SCAPER: variants seen among roughly 807,000 people sequenced by gnomAD.
SCAPER encodes S-phase cyclin A associated protein in the ER.
Under a neutral mutation model 182.2 loss-of-function variants are expected in SCAPER, and 98 were observed. That is an observed-to-expected ratio of 0.54 (90% confidence interval 0.46 to 0.64). The LOEUF is 0.64. Among genes scored for constraint, SCAPER ranks in the 30% least tolerant of loss-of-function variants. The pLI is 0.00. For missense variants in SCAPER, 1,432 were observed against 1,690.0 expected, an observed-to-expected ratio of 0.85 and a Z score of 2.68; for synonymous variants, 605 against 564.6, an observed-to-expected ratio of 1.07 and a Z score of -1.01.
intron 8 of SCAPER, among the ~76,000 whole-genome samples, chr15:76,794,091 A>C (rs931249267): frequency 2.0e-5 from 3 of 152,246 alleles, no homozygotes; most frequent in Non-Finnish European, 2.9e-5. Flanking sequence ...TTCCCACAGA[A>C]TGGCATAACT....
chr15:76,791,462 T>G (rs2065002263), intron 8 of SCAPER, among the ~76,000 whole-genome samples: 1 of 151,924 alleles, frequency 6.6e-6, no homozygotes, highest in Non-Finnish European at 1.5e-5. Flanking sequence ...CACCTGGAAT[T>G]TAGGGTGCAG....
chr15:76,475,703 T>C (rs2050572648), intron 24 of SCAPER, among the ~76,000 whole-genome samples: 1 of 152,084 alleles, frequency 6.6e-6, no homozygotes, highest in African/African-American at 2.4e-5. Context: ...AAAATCAGAG[T>C]TGCTCTGGCT....
Position 76,348,741 on chromosome 15 carries a change from G to A in SCAPER, c.4100-5C>T. ...CTTGGGAACCAAGGCATTTCCCTGA[G>A]AGGGGGATAAAAGAGAAAAAAGTTA... On this transcript the variant is annotated splice_polypyrimidine_tract_variant and splice_region_variant and intron_variant, in intron 31 of 31. Coordinates refer to ENST00000563290, the MANE Select transcript of SCAPER (RefSeq NM_020843.4). 6.7e-7 allele frequency: 1 copy of A among 1,494,206 alleles called. No individual in the cohort carries two copies. The highest frequency in any genetic ancestry group is 9.0e-7 in the Non-Finnish European group (1 of 1,114,120). 92.6% of individuals were successfully genotyped at this position (1,494,206 alleles called of 1,614,324 possible). A position where few individuals can be genotyped will look rare whatever the true frequency, so the allele number is the denominator to read the frequency against.
At chr15:76,766,780 T>C (rs369185871) in intron 11 of SCAPER, 138 bp downstream of exon 11, 11 of 671,216 alleles carry the variant, frequency 1.6e-5, no homozygotes, top group South Asian at 6.9e-5. Flanking sequence ...CTGAGAATAA[T>C]AGTTATGATT....
At chr15:76,832,867 C>T (rs1385670631) in intron 5 of SCAPER, among the ~76,000 whole-genome samples, 4 of 152,164 alleles carry the variant, frequency 2.6e-5, no homozygotes, top group Admixed American at 2.0e-4. Flanking sequence ...GGATGCTTCC[C>T]GTACAGCCTG....
In SCAPER at chr15:76,488,714, C is replaced by CTTTTTTTTTTTTTTT. The variant is rs71143333; in HGVS notation, c.2954+16130_2954+16144dup. Among the ~76,000 whole-genome samples, 133 of 93,062 alleles carry CTTTTTTTTTTTTTTT rather than the reference C, an allele frequency of 1.4e-3. 14 individuals carry two copies. The highest frequency in any genetic ancestry group is 6.5e-3 in the East Asian group (16 of 2,480). 61.1% of individuals were successfully genotyped at this position (93,062 alleles called of 152,430 possible). ...TTGCATCCTGATAACAGTACACTGC[C>CTTTTTTTTTTTTTTT]TTTTTTTTTTTTTTTTTTTTTTTTT... On this transcript the variant is annotated intron_variant, in intron 24 of 31. Transcript: ENST00000563290.
intron 25 of SCAPER, among the ~76,000 whole-genome samples, chr15:76,451,250 T>A (rs2048349461): frequency 6.6e-6 from 1 of 152,218 alleles, no homozygotes; most frequent in South Asian, 2.1e-4. Flanking sequence ...ATGCCTCAAT[T>A]TATCAGTTCA....
intron 25 of SCAPER, among the ~76,000 whole-genome samples, chr15:76,465,770 T>C (rs984368920): frequency 6.6e-6 from 1 of 152,100 alleles, no homozygotes; most frequent in Non-Finnish European, 1.5e-5. Context: ...AAGGGTCCCA[T>C]ATCATTCTTT....
chr15:76,738,544 A>AT (rs905743963), intron 15 of SCAPER, among the ~76,000 whole-genome samples: 1 of 151,278 alleles, frequency 6.6e-6, no homozygotes, highest in Non-Finnish European at 1.5e-5. Context: ...TCTGTCTCAA[A>AT]AAAAAAAAAA....
intron 23 of SCAPER, among the ~76,000 whole-genome samples, chr15:76,505,201 T>G (rs1265100150): frequency 6.6e-6 from 1 of 152,130 alleles, no homozygotes; most frequent in East Asian, 1.9e-4. Context: ...AGCTTAAAAT[T>G]GGTAGATGGC....
intron 25 of SCAPER, among the ~76,000 whole-genome samples, chr15:76,468,264 G>A (rs1029977403): frequency 2.6e-5 from 4 of 151,902 alleles, no homozygotes; most frequent in Non-Finnish European, 4.4e-5. Context: ...AATTGACAGC[G>A]ATAAAATAAA....
chr15:76,751,019 A>C (rs1488482668), intron 15 of SCAPER, among the ~76,000 whole-genome samples: 1 of 151,800 alleles, frequency 6.6e-6, no homozygotes, highest in Non-Finnish European at 1.5e-5. Flanking sequence ...TGTTAGAAGT[A>C]GTAAAAATTC....
intron 22 of SCAPER, among the ~76,000 whole-genome samples, chr15:76,613,717 C>T (rs1334339898): frequency 6.6e-6 from 1 of 152,180 alleles, no homozygotes; most frequent in African/African-American, 2.4e-5. Flanking sequence ...GATATCATGT[C>T]ATACCAGTTA....
intron 21 of SCAPER, among the ~76,000 whole-genome samples, chr15:76,625,324 T>A (rs376444720): frequency 6.6e-6 from 1 of 152,196 alleles, no homozygotes; most frequent in South Asian, 2.1e-4. Context: ...AGCACCCATA[T>A]GCAGAGGCAG....
intron 14 of SCAPER, 115 bp downstream of exon 14, chr15:76,764,846 C>T: frequency 1.3e-5 from 8 of 600,150 alleles, no homozygotes; most frequent in South Asian, 4.9e-5. Context: ...CTTTTATTTC[C>T]TAGCAAATCT....
At chr15:76,433,500 AAAC>A (rs539923399) in intron 26 of SCAPER, among the ~76,000 whole-genome samples, 17 of 152,164 alleles carry the variant, frequency 1.1e-4, no homozygotes, top group African/African-American at 2.9e-4. Context: ...GTGATAGAAA[AAAC>A]AACAACAACA....
intron 4 of SCAPER, among the ~76,000 whole-genome samples, chr15:76,854,647 C>T: frequency 6.6e-6 from 1 of 151,700 alleles, no homozygotes. Flanking sequence ...GCCCAAATAG[C>T]CAAGGCAATC....
chr15:76,468,681 T>G lies in SCAPER; in HGVS notation c.3078+2531A>C, dbSNP rs997249614. Among the ~76,000 whole-genome samples the G allele has an allele frequency of 1.2e-4, 19 of 152,294 alleles. 1 individual carries two copies. The highest frequency in any genetic ancestry group is 4.1e-4 in the African/African-American group (17 of 41,584). ...CTGAATATCTTTCTCTGTGCTCCCATAGTACTCTATACAGGCTGCTATCAT... is the reference window on the plus strand; with the variant it reads ...CTGAATATCTTTCTCTGTGCTCCCAGAGTACTCTATACAGGCTGCTATCAT... On this transcript the variant is annotated intron_variant, in intron 25 of 31. Transcript: ENST00000563290.
chr15:76,686,066 T>C (rs911159112), intron 20 of SCAPER, among the ~76,000 whole-genome samples: 2 of 152,014 alleles, frequency 1.3e-5, no homozygotes, highest in African/African-American at 2.4e-5. Flanking sequence ...AAGGACAATA[T>C]TGATAAATTT....
Sources: allele counts gnomAD v4.1 joint callset (sites outside exome capture counted in the v4.1 genomes callset), GRCh38; gene constraint gnomAD v4.1.1; transcripts MANE v1.5; gene names NCBI Gene and HGNC (gene_info 2026-07-23, HGNC 2026-07-21).